Variants in SNX13 observed in about 807,000 individuals in gnomAD.
SNX13 encodes sorting nexin-13.
A neutral mutation model predicts 133.6 loss-of-function variants in SNX13; 45 were observed. The observed-to-expected ratio is 0.34, with a 90% CI of 0.27 to 0.43. SNX13 has a LOEUF of 0.43. Among genes scored for constraint, SNX13 ranks in the 20% least tolerant of loss-of-function variants. The probability of loss-of-function intolerance (pLI) is 1.00; values close to 1 mark genes in which losing one functional copy is unlikely to be tolerated. For synonymous variants in SNX13, 414 were observed against 373.9 expected (o/e 1.11, Z -1.24); for missense variants, 1,032 against 1,145.1 (o/e 0.90, Z 1.43).
At chr7:17,855,213 T>C (rs1020476605) in intron 9 of SNX13, among the ~76,000 whole-genome samples, 3 of 151,894 alleles carry the variant, frequency 2.0e-5, no homozygotes, top group Non-Finnish European at 4.4e-5. Context: ...AGAAGAAGAG[T>C]TTGAAGCTAG....
intron 21 of SNX13, among the ~76,000 whole-genome samples, chr7:17,802,816 A>T (rs1475773808): frequency 2.0e-5 from 3 of 152,090 alleles, no homozygotes; most frequent in Admixed American, 2.0e-4. Context: ...CTACGTCAAA[A>T]TGATTTTTAA....
chr7:17,911,118 C>T (rs1048932340), intron 1 of SNX13, among the ~76,000 whole-genome samples: 3 of 152,192 alleles, frequency 2.0e-5, no homozygotes, highest in African/African-American at 4.8e-5. Flanking sequence ...GACACAATTT[C>T]TAGACCAGGT....
In SNX13 at chr7:17,940,385, C is replaced by T. The variant is rs565462507; in HGVS notation, c.-90G>A. The T allele has an allele frequency of 2.8e-5, 41 of 1,443,238 alleles. No individual in the cohort carries two copies. The highest frequency in any genetic ancestry group is 3.8e-5 in the Non-Finnish European group (40 of 1,051,324). 89.4% of individuals were successfully genotyped at this position (1,443,238 alleles called of 1,614,324 possible). A position where few individuals can be genotyped will look rare whatever the true frequency, so the allele number is the denominator to read the frequency against. On this transcript the variant is annotated 5_prime_UTR_variant, in exon 1 of 26. Transcript: ENST00000428135. ...CGAAAACTGCTCGGGCCGCCGCCAA[C>T]GGCGGCAACTGCTCCTTCAGTCTTC...
chr7:17,913,760 C>CAAAAAAAAAAAAAAAAAAAA (rs71010278), intron 1 of SNX13, among the ~76,000 whole-genome samples: 17 of 54,036 alleles, frequency 3.1e-4, no homozygotes, highest in East Asian at 7.7e-4. Context: ...TTAACAAAAA[C>CAAAAAAAAAAAAAAAAAAAA]AAAAAAAAAA....
chr7:17,858,320 A>G (rs1003958732), intron 9 of SNX13, among the ~76,000 whole-genome samples: 1 of 152,160 alleles, frequency 6.6e-6, no homozygotes, highest in Non-Finnish European at 1.5e-5. Flanking sequence ...TCAACATATA[A>G]TACTGAGTAT....
intron 3 of SNX13, among the ~76,000 whole-genome samples, 182 bp downstream of exon 3, chr7:17,893,150 A>G (rs1796820160): frequency 6.6e-6 from 1 of 152,218 alleles, no homozygotes; most frequent in South Asian, 2.1e-4. Flanking sequence ...TAACACTAAG[A>G]AAGTTTTTAA....
chr7:17,936,199 C>T (rs1350953129), intron 1 of SNX13, among the ~76,000 whole-genome samples: 3 of 152,160 alleles, frequency 2.0e-5, no homozygotes, highest in Non-Finnish European at 4.4e-5. Flanking sequence ...TTAAGTCATC[C>T]AGAGAAGAAA....
At chr7:17,826,742 C>CA (rs1308040029) in intron 16 of SNX13, among the ~76,000 whole-genome samples, 1 of 152,068 alleles carries the variant, frequency 6.6e-6, no homozygotes. Context: ...TTGACTGACT[C>CA]AAAATGAATC....
At chr7:17,898,087 A>C (rs1412845109) in intron 1 of SNX13, 3 of 151,976 alleles carry the variant, frequency 2.0e-5, no homozygotes, top group Non-Finnish European at 2.9e-5. Flanking sequence ...TAAAAAAAAA[A>C]CCTATTTCAT....
intron 1 of SNX13, among the ~76,000 whole-genome samples, chr7:17,918,277 A>G (rs990342969): frequency 6.6e-6 from 1 of 152,212 alleles, no homozygotes; most frequent in Non-Finnish European, 1.5e-5. Context: ...AAAATTGACA[A>G]CTGAGACATA....
At chr7:17,875,165 G>A (rs571967850) in intron 7 of SNX13, among the ~76,000 whole-genome samples, 6 of 151,996 alleles carry the variant, frequency 3.9e-5, no homozygotes, top group South Asian at 2.1e-4. Context: ...ACAGGGTTTC[G>A]CCATGTTGCC....
At chr7:17,883,956 T>C (rs1336820185) in intron 5 of SNX13, among the ~76,000 whole-genome samples, 2 of 152,204 alleles carry the variant, frequency 1.3e-5, no homozygotes, top group African/African-American at 2.4e-5. Flanking sequence ...TATTTGCATT[T>C]TGTCCGTAGC....
chr7:17,909,527 G>C (rs1798735098), intron 1 of SNX13, among the ~76,000 whole-genome samples: 1 of 152,140 alleles, frequency 6.6e-6, no homozygotes, highest in Non-Finnish European at 1.5e-5. Context: ...GCCATAAAAA[G>C]GAACAAGAGA....
At chr7:17,901,876 G>A (rs1439979676) in intron 1 of SNX13, among the ~76,000 whole-genome samples, 1 of 152,046 alleles carries the variant, frequency 6.6e-6, no homozygotes, top group African/African-American at 2.4e-5. Context: ...GCTTCTATTT[G>A]GCCATCCTGC....
chr7:17,857,698 T>C (rs1337999316), intron 9 of SNX13, among the ~76,000 whole-genome samples: 1 of 151,972 alleles, frequency 6.6e-6, no homozygotes, highest in African/African-American at 2.4e-5. Flanking sequence ...GCAGGGAGAA[T>C]TGCTTGAACC....
intron 1 of SNX13, among the ~76,000 whole-genome samples, chr7:17,917,386 C>T (rs1732630288): frequency 1.3e-5 from 2 of 152,048 alleles, no homozygotes. Context: ...CTTTGCTGAC[C>T]ATATGATTCT....
intron 15 of SNX13, chr7:17,831,481 G>A: frequency 8.2e-6 from 8 of 981,070 alleles, no homozygotes; most frequent in Non-Finnish European, 9.7e-6. Flanking sequence ...AGGAGAGATA[G>A]TAAGCACAAG....
intron 18 of SNX13, among the ~76,000 whole-genome samples, chr7:17,820,068 C>G (rs2723545): frequency 6.6e-6 from 1 of 151,950 alleles, no homozygotes; most frequent in Non-Finnish European, 1.5e-5. Context: ...AAGTTTTCTT[C>G]AAAAGTATGT....
intron 24 of SNX13, 49 bp from the exon 25 acceptor site, chr7:17,796,988 G>T: frequency 7.9e-7 from 1 of 1,269,118 alleles, no homozygotes; most frequent in Non-Finnish European, 1.1e-6. Flanking sequence ...ATTTTCTAAT[G>T]ATACAAGTTG....
Sources: allele counts gnomAD v4.1 joint callset (sites outside exome capture counted in the v4.1 genomes callset), GRCh38; gene constraint gnomAD v4.1.1; transcripts MANE v1.5; gene names NCBI Gene and HGNC (gene_info 2026-07-23, HGNC 2026-07-21).